GRID2: variants seen among roughly 807,000 people sequenced by gnomAD.
GRID2 encodes the protein glutamate receptor ionotropic, delta-2.
GRID2 carries 33 observed loss-of-function variants against 114.8 expected under a neutral mutation model. The observed-to-expected ratio is 0.29, with a 90% confidence interval of 0.22 to 0.38. The LOEUF (loss-of-function observed/expected upper bound fraction) is 0.38, where lower values mean the gene tolerates loss of function less well. GRID2 is among the 10% of genes least tolerant of loss of function. The pLI is 1.00. For synonymous variants in GRID2, 505 were observed against 449.9 expected, an observed-to-expected ratio of 1.12 and a Z score of -1.55; for missense variants, 1,184 against 1,257.7, an observed-to-expected ratio of 0.94 and a Z score of 0.89.
At chr4:93,538,369 T>C (rs1732311166) in intron 13 of GRID2, among the ~76,000 whole-genome samples, 1 of 151,584 alleles carries the variant, frequency 6.6e-6, no homozygotes, top group African/African-American at 2.4e-5. Context: ...ACTCTAAATA[T>C]ACAAGTTCAT....
chr4:93,646,354 G>A (rs1409651736), intron 14 of GRID2, among the ~76,000 whole-genome samples: 3 of 152,022 alleles, frequency 2.0e-5, no homozygotes, highest in Non-Finnish European at 4.4e-5. Flanking sequence ...TGCATAAGAA[G>A]CAACAGATAT....
chr4:92,818,894 A>T (rs1741086289), intron 2 of GRID2, among the ~76,000 whole-genome samples: 1 of 152,108 alleles, frequency 6.6e-6, no homozygotes, highest in Non-Finnish European at 1.5e-5. Flanking sequence ...TGTATCTGTA[A>T]TTTATCTGCT....
chr4:93,128,062 A>AAAAAG (rs1253120669), intron 4 of GRID2, among the ~76,000 whole-genome samples: 1 of 134,766 alleles, frequency 7.4e-6, no homozygotes, highest in Non-Finnish European at 1.6e-5. Flanking sequence ...AAAAAAAACA[A>AAAAAG]CAGTACGTGC....
chr4:92,954,201 G>A (rs189220747), intron 2 of GRID2, among the ~76,000 whole-genome samples: 2,251 of 151,826 alleles, frequency 0.015, 21 homozygotes, highest in East Asian at 0.053. Flanking sequence ...GTGTGTGTGT[G>A]TATATATGTA....
Position 92,598,166 on chromosome 4 carries a change from T to C in GRID2, c.244+7880T>C, listed in dbSNP as rs576585753. On this transcript the variant is annotated intron_variant, in intron 2 of 15. Coordinates refer to ENST00000282020, the MANE Select transcript of GRID2 (RefSeq NM_001510.4). ...GAAAAGCTCTCTTTTAAAAGGAACATGCAATAAGCCAGTGTGCAATAGGAA... is the reference window on the plus strand; with the variant it reads ...GAAAAGCTCTCTTTTAAAAGGAACACGCAATAAGCCAGTGTGCAATAGGAA... Among the ~76,000 whole-genome samples, 5 of 152,230 alleles carry C rather than the reference T, an allele frequency of 3.3e-5. No individual in the cohort carries two copies. In the South Asian group the frequency reaches 8.3e-4, roughly 25 times the overall value.
intron 1 of GRID2, among the ~76,000 whole-genome samples, chr4:92,562,823 A>C (rs1434332441): frequency 6.6e-6 from 1 of 152,160 alleles, no homozygotes; most frequent in Non-Finnish European, 1.5e-5. Context: ...AAAATATGTA[A>C]TCGTTTTACA....
intron 8 of GRID2, among the ~76,000 whole-genome samples, chr4:93,271,702 T>G (rs1217503026): frequency 6.6e-6 from 1 of 152,146 alleles, no homozygotes; most frequent in Non-Finnish European, 1.5e-5. Context: ...CTAAATTTTT[T>G]GAAAAGTAAG....
At chr4:92,930,696 T>C (rs1049530657) in intron 2 of GRID2, among the ~76,000 whole-genome samples, 2 of 149,708 alleles carry the variant, frequency 1.3e-5, no homozygotes, top group Non-Finnish European at 3.0e-5. Context: ...AAAATAAATA[T>C]ATGTGTTGAA....
At chr4:92,564,978 A>C (rs1727268871) in intron 1 of GRID2, among the ~76,000 whole-genome samples, 1 of 151,994 alleles carries the variant, frequency 6.6e-6, no homozygotes, top group Admixed American at 6.6e-5. Flanking sequence ...AGTGATCACC[A>C]TTGTTATTGG....
intron 8 of GRID2, among the ~76,000 whole-genome samples, chr4:93,339,241 A>G (rs1180958857): frequency 6.6e-6 from 1 of 152,202 alleles, no homozygotes; most frequent in Non-Finnish European, 1.5e-5. Context: ...AACAACTGGT[A>G]TTTCAAAATG....
chr4:93,453,096 T>C (rs1247332656), intron 10 of GRID2, among the ~76,000 whole-genome samples: 1 of 143,276 alleles, frequency 7.0e-6, no homozygotes, highest in Non-Finnish European at 1.5e-5. Flanking sequence ...TGTCCATGTG[T>C]TCTCATTGTT....
intron 10 of GRID2, among the ~76,000 whole-genome samples, chr4:93,438,530 G>A (rs1721319599): frequency 6.6e-6 from 1 of 152,006 alleles, no homozygotes; most frequent in Non-Finnish European, 1.5e-5. Flanking sequence ...GATAGCTGAG[G>A]TAGGCCTGAG....
intron 13 of GRID2, among the ~76,000 whole-genome samples, chr4:93,587,972 C>G (rs2149605619): frequency 6.6e-6 from 1 of 152,130 alleles, no homozygotes; most frequent in East Asian, 1.9e-4. Context: ...ATCCAAGAAT[C>G]CAGAGATAAT....
intron 14 of GRID2, among the ~76,000 whole-genome samples, chr4:93,717,562 G>GA (rs34854376): frequency 6.6e-6 from 1 of 151,882 alleles, no homozygotes; most frequent in Non-Finnish European, 1.5e-5. Context: ...AACTTGCATG[G>GA]AAAAAAAGCC....
chr4:93,115,690 T>C (rs1733176433), intron 4 of GRID2, among the ~76,000 whole-genome samples: 1 of 152,070 alleles, frequency 6.6e-6, no homozygotes, highest in South Asian at 2.1e-4. Flanking sequence ...CTCAGAATCA[T>C]GGTGGAAGGT....
chr4:92,600,064 A>ATATATG (rs1729150378), intron 2 of GRID2, among the ~76,000 whole-genome samples: 1 of 126,786 alleles, frequency 7.9e-6, no homozygotes, highest in Non-Finnish European at 1.7e-5. Flanking sequence ...ATATATATAT[A>ATATATG]TATATATATA....
chr4:93,476,817 G>A (rs1041619663), intron 11 of GRID2, among the ~76,000 whole-genome samples: 22 of 152,070 alleles, frequency 1.4e-4, no homozygotes, highest in African/African-American at 5.1e-4. Context: ...TCAATGTTCT[G>A]AAGATATAGT....
Position 93,216,368 on chromosome 4 carries a change from T to TACTTGAAATCC in GRID2, c.790-369_790-368insCTTGAAATCCA, listed in dbSNP as rs1366650992. ...CCTTCCTAGATACTCAAAGTAATAG[T>TACTTGAAATCC]ATTAATTAATAATAAACTATAATAG... On this transcript the variant is annotated intron_variant, in intron 5 of 15. Transcript: ENST00000282020. Among the ~76,000 whole-genome samples the TACTTGAAATCC allele has an allele frequency of 9.0e-3, 1,364 of 152,202 alleles. 20 individuals carry two copies. The highest frequency in any genetic ancestry group is 0.031 in the African/African-American group (1,296 of 41,548).
At chr4:93,600,972 T>C (rs1176990936) in intron 13 of GRID2, among the ~76,000 whole-genome samples, 1 of 152,096 alleles carries the variant, frequency 6.6e-6, no homozygotes, top group Non-Finnish European at 1.5e-5. Context: ...GCAAAACAAA[T>C]CTGTCATGGT....
Sources: gnomAD v4.1 joint callset for allele counts (sites outside exome capture counted in the v4.1 genomes callset) on GRCh38, gnomAD v4.1.1 for gene constraint, MANE v1.5 for transcripts, NCBI Gene and HGNC (gene_info 2026-07-23, HGNC 2026-07-21) for gene names.